The following CPS1 variants were observed in gnomAD, a reference collection of about 807,000 sequenced individuals.
CPS1 encodes the protein carbamoyl-phosphate synthase 1, also known as carbamoyl-phosphate synthase [ammonia], mitochondrial.
CPS1 carries 109 observed loss-of-function variants against 174.6 expected under a neutral mutation model. The observed-to-expected ratio is 0.62, with a 90% CI of 0.53 to 0.73. The LOEUF is 0.73. Among genes scored for constraint, CPS1 ranks in the 30% least tolerant of loss-of-function variants. The probability of loss-of-function intolerance (pLI) is 0.00; values close to 1 mark genes in which losing one functional copy is unlikely to be tolerated. For missense variants in CPS1, 1,689 were observed against 1,821.9 expected, an observed-to-expected ratio of 0.93 and a Z score of 1.33; for synonymous variants, 637 against 632.0, an observed-to-expected ratio of 1.01 and a Z score of -0.12.
rs774531676 is a variant in CPS1 at position 210,648,024 on chromosome 2, G to A, written c.3303G>A (p.Val1101=). Residue 1101 remains valine, a synonymous_variant, in exon 26 of 38, where the codon GTG becomes GTA. Coordinates refer to ENST00000233072, the MANE Select transcript of CPS1 (RefSeq NM_001875.5). ...CAGCTGTCTTGGATGAGCTGAAGGT[G>A]GCTCAGGCACCTTGGAAAGCTGTTA... is the stretch of plus-strand genomic sequence containing the variant. The part of the protein sequence containing the change: ...IFSAVLDELK[V]AQAPWKAVNT... 6 of 1,613,902 alleles carry A rather than the reference G, an allele frequency of 3.7e-6. No individual in the cohort carries two copies. In the East Asian group the frequency reaches 1.1e-4, roughly 30 times the overall value.
chr2:210,666,155 T>C (rs1220870477), intron 33 of CPS1, among the ~76,000 whole-genome samples: 2 of 151,970 alleles, frequency 1.3e-5, no homozygotes, highest in African/African-American at 4.8e-5. Flanking sequence ...TATCCTTTGC[T>C]CACTTTTTGA....
chr2:210,486,801 C>A (rs748280092), intron 1 of CPS1, among the ~76,000 whole-genome samples: 1 of 152,160 alleles, frequency 6.6e-6, no homozygotes, highest in African/African-American at 2.4e-5. Flanking sequence ...TGAGCCACTG[C>A]GCCCAGCTAG....
intron 1 of CPS1, among the ~76,000 whole-genome samples, chr2:210,516,631 C>T (rs1378465297): frequency 6.6e-6 from 1 of 151,928 alleles, no homozygotes; most frequent in Non-Finnish European, 1.5e-5. Flanking sequence ...CTCTGCCTTA[C>T]TGAATTAAGC....
intron 21 of CPS1, among the ~76,000 whole-genome samples, chr2:210,624,576 A>G (rs1418617763): frequency 2.6e-5 from 4 of 152,102 alleles, no homozygotes; most frequent in African/African-American, 9.7e-5. Flanking sequence ...TGTTCCATGT[A>G]ATAAAAGGAT....
intron 27 of CPS1, among the ~76,000 whole-genome samples, chr2:210,649,390 A>C (rs1288663928): frequency 6.6e-6 from 1 of 152,152 alleles, no homozygotes; most frequent in African/African-American, 2.4e-5. Flanking sequence ...TGCAATCTAT[A>C]TCTTTGTTCC....
intron 21 of CPS1, among the ~76,000 whole-genome samples, chr2:210,630,027 C>T (rs1001866567): frequency 6.6e-6 from 1 of 151,440 alleles, no homozygotes; most frequent in Admixed American, 6.6e-5. Flanking sequence ...GAGCCGAGAT[C>T]CTGCCACTGC....
At chr2:210,627,187 G>A (rs1574611653) in intron 21 of CPS1, among the ~76,000 whole-genome samples, 1 of 152,084 alleles carries the variant, frequency 6.6e-6, no homozygotes, top group Non-Finnish European at 1.5e-5. Context: ...AACTCTTGGG[G>A]GAAAACACAG....
chr2:210,658,240 C>T (rs1700786694), intron 30 of CPS1: 1 of 307,190 alleles, frequency 3.3e-6, no homozygotes, highest in African/African-American at 2.2e-5. Context: ...TAGGTCATTA[C>T]ATTGATATAG....
chr2:210,596,074 G>A (rs1698472046), intron 13 of CPS1, among the ~76,000 whole-genome samples: 1 of 151,712 alleles, frequency 6.6e-6, no homozygotes, highest in African/African-American at 2.4e-5. Context: ...TGTCACTGGG[G>A]GACACAGTTC....
At chr2:210,499,094 G>A (rs1695076739) in intron 1 of CPS1, among the ~76,000 whole-genome samples, 1 of 152,000 alleles carries the variant, frequency 6.6e-6, no homozygotes, top group Non-Finnish European at 1.5e-5. Context: ...GCTGATCTGG[G>A]TGAATGGTAG....
intron 1 of CPS1, among the ~76,000 whole-genome samples, chr2:210,487,203 A>G (rs563497627): frequency 2.0e-5 from 3 of 152,134 alleles, no homozygotes; most frequent in African/African-American, 7.2e-5. Flanking sequence ...ACTGAACAAC[A>G]TGTCACTCTT....
At chr2:210,546,328 C>A (rs748798096) in intron 1 of CPS1, among the ~76,000 whole-genome samples, 10 of 152,132 alleles carry the variant, frequency 6.6e-5, no homozygotes, top group Non-Finnish European at 7.4e-5. Flanking sequence ...TTAGATCACA[C>A]AACGTGAATG....
At chr2:210,658,944 A>C (rs1700815641) in intron 31 of CPS1, among the ~76,000 whole-genome samples, 1 of 152,214 alleles carries the variant, frequency 6.6e-6, no homozygotes, top group Non-Finnish European at 1.5e-5. Context: ...ACTGTATGCC[A>C]CCTACAGTAT....
chr2:210,529,300 G>C (rs1203173209), intron 1 of CPS1, among the ~76,000 whole-genome samples: 1 of 151,930 alleles, frequency 6.6e-6, no homozygotes, highest in East Asian at 1.9e-4. Context: ...GAAAAGACCA[G>C]AGAACCAAGA....
chr2:210,646,683 G>A (rs961350571), intron 25 of CPS1, among the ~76,000 whole-genome samples: 8 of 151,754 alleles, frequency 5.3e-5, no homozygotes, highest in Admixed American at 2.6e-4. Context: ...ATACACTTAC[G>A]GTATATAGGA....
chr2:210,641,044 C>G (rs1438412743), intron 24 of CPS1, among the ~76,000 whole-genome samples: 2 of 152,264 alleles, frequency 1.3e-5, no homozygotes, highest in East Asian at 3.9e-4. Flanking sequence ...CCTTGTGCCT[C>G]CTATAAGGAA....
chr2:210,582,500 G>A (rs1406436533), intron 5 of CPS1, 117 bp from the exon 6 acceptor site: 4 of 772,576 alleles, frequency 5.2e-6, no homozygotes, highest in South Asian at 2.8e-5. Context: ...TGATGGTTAC[G>A]AGTAGTTATA....
chr2:210,480,497 T>A (rs998698298), intron 1 of CPS1, among the ~76,000 whole-genome samples: 2 of 152,188 alleles, frequency 1.3e-5, no homozygotes, highest in African/African-American at 4.8e-5. Flanking sequence ...GTCTGTGGTG[T>A]TCCTTTTGCC....
intron 1 of CPS1, among the ~76,000 whole-genome samples, chr2:210,501,667 C>T (rs1263720478): frequency 1.3e-5 from 2 of 152,162 alleles, no homozygotes; most frequent in East Asian, 3.9e-4. Context: ...CTATCTGAGA[C>T]CATCTCAGCC....
Sources: gnomAD v4.1 joint callset for allele counts (sites outside exome capture counted in the v4.1 genomes callset) on GRCh38, gnomAD v4.1.1 for gene constraint, MANE v1.5 for transcripts, NCBI Gene and HGNC (gene_info 2026-07-23, HGNC 2026-07-21) for gene names.